Variants in KIAA1328 observed in about 807,000 individuals in gnomAD.
KIAA1328 encodes the protein KIAA1328.
In KIAA1328, 52 loss-of-function variants were observed where a neutral mutation model predicts 68.1. That is an observed-to-expected ratio of 0.76 (90% CI 0.61 to 0.96). The LOEUF (loss-of-function observed/expected upper bound fraction) is 0.96, where lower values mean the gene tolerates loss of function less well. Ranked by LOEUF, KIAA1328 falls within the 40% of genes least tolerant of loss-of-function variation. KIAA1328 has a pLI of 0.00. For missense variants in KIAA1328, 641 were observed against 677.6 expected, an observed-to-expected ratio of 0.95 and a Z score of 0.60; for synonymous variants, 232 against 239.4, an observed-to-expected ratio of 0.97 and a Z score of 0.28.
At chr18:36,929,842 A>G (rs2050249844) in intron 5 of KIAA1328, among the ~76,000 whole-genome samples, 1 of 152,112 alleles carries the variant, frequency 6.6e-6, no homozygotes, top group Admixed American at 6.5e-5. Flanking sequence ...AACTGTGAGA[A>G]ATAAATGTCT....
chr18:37,119,044 C>G (rs1017083859), intron 7 of KIAA1328, among the ~76,000 whole-genome samples: 1 of 152,124 alleles, frequency 6.6e-6, no homozygotes, highest in Non-Finnish European at 1.5e-5. Context: ...GAGTCAATTA[C>G]CATATTTCAT....
At chr18:37,020,781 T>G (rs2054317768) in intron 6 of KIAA1328, among the ~76,000 whole-genome samples, 1 of 152,206 alleles carries the variant, frequency 6.6e-6, no homozygotes, top group Non-Finnish European at 1.5e-5. Context: ...TCGAAATAGT[T>G]TGTGTATGTC....
chr18:36,997,539 G>C (rs947048146), intron 6 of KIAA1328, among the ~76,000 whole-genome samples: 10 of 152,122 alleles, frequency 6.6e-5, no homozygotes, highest in African/African-American at 2.4e-4. Flanking sequence ...CATGGGTTGG[G>C]ACTGCTTTAG....
Position 37,110,092 on chromosome 18 carries a change from G to A in KIAA1328, c.1232+42547G>A, listed in dbSNP as rs369400017. Among the ~76,000 whole-genome samples the A allele has an allele frequency of 1.5e-4, 23 of 150,820 alleles. No homozygotes were observed. In the East Asian group the frequency reaches 3.9e-3, roughly 25 times the overall value. ...TCACTTATTTTTCAACATTTTTTTC[G>A]AGGCTCCAATAAATGGAGATTAGTC... On this transcript the variant is annotated intron_variant, in intron 7 of 9. Transcript: ENST00000280020.
intron 7 of KIAA1328, among the ~76,000 whole-genome samples, chr18:37,130,404 G>A (rs9957942): frequency 3.7e-4 from 57 of 152,268 alleles, no homozygotes; most frequent in Admixed American, 9.1e-4. Context: ...CAGATCACGC[G>A]ATCAAGAGAT....
chr18:37,153,354 A>G (rs557940262), intron 7 of KIAA1328, among the ~76,000 whole-genome samples: 1 of 152,304 alleles, frequency 6.6e-6, no homozygotes, highest in African/African-American at 2.4e-5. Context: ...GTATTACCCC[A>G]GATGAATGAT....
At chr18:37,014,303 T>C (rs1485651635) in intron 6 of KIAA1328, among the ~76,000 whole-genome samples, 1 of 152,226 alleles carries the variant, frequency 6.6e-6, no homozygotes, top group Non-Finnish European at 1.5e-5. Context: ...TGCTTTCTTT[T>C]GATAATTATT....
At chr18:36,938,003 G>T (rs1293994289) in intron 5 of KIAA1328, among the ~76,000 whole-genome samples, 1 of 151,714 alleles carries the variant, frequency 6.6e-6, no homozygotes, top group Non-Finnish European at 1.5e-5. Flanking sequence ...CATTTTCTTT[G>T]GTCACTTAGG....
At chr18:37,058,776 G>A (rs2056029371) in intron 6 of KIAA1328, among the ~76,000 whole-genome samples, 1 of 152,188 alleles carries the variant, frequency 6.6e-6, no homozygotes, top group East Asian at 1.9e-4. Flanking sequence ...TAGTATGGAT[G>A]TTGAAGCACA....
At chr18:37,126,524 C>T (rs186026562) in intron 7 of KIAA1328, among the ~76,000 whole-genome samples, 3 of 152,120 alleles carry the variant, frequency 2.0e-5, no homozygotes, top group South Asian at 2.1e-4. Context: ...GCGTTACTGT[C>T]GAATTCCACC....
intron 6 of KIAA1328, among the ~76,000 whole-genome samples, chr18:37,049,309 C>T (rs1388293679): frequency 6.6e-6 from 1 of 152,110 alleles, no homozygotes; most frequent in Non-Finnish European, 1.5e-5. Context: ...CATAGGAAAA[C>T]CACAATGGAG....
intron 5 of KIAA1328, among the ~76,000 whole-genome samples, chr18:36,944,545 T>C (rs1415781228): frequency 2.6e-5 from 4 of 151,936 alleles, no homozygotes; most frequent in Non-Finnish European, 4.4e-5. Context: ...CGCCACTGCA[T>C]TCCAGCCTAG....
chr18:36,954,193 G>A (rs1292450719), intron 5 of KIAA1328, among the ~76,000 whole-genome samples: 1 of 151,658 alleles, frequency 6.6e-6, no homozygotes, highest in Admixed American at 6.6e-5. Flanking sequence ...TAGTAGAGAC[G>A]GGGTTTCACC....
chr18:37,144,704 T>A, intron 7 of KIAA1328, among the ~76,000 whole-genome samples: 1 of 151,858 alleles, frequency 6.6e-6, no homozygotes, highest in South Asian at 2.1e-4. Context: ...AATTTTTGTA[T>A]TTTTTTGTAG....
chr18:37,134,290 C>T (rs1274374718), intron 7 of KIAA1328, among the ~76,000 whole-genome samples: 6 of 152,128 alleles, frequency 3.9e-5, no homozygotes, highest in Non-Finnish European at 7.3e-5. Context: ...GGATTACAGG[C>T]GTGAGCCACT....
At chr18:37,106,681 G>C (rs1219956734) in intron 7 of KIAA1328, among the ~76,000 whole-genome samples, 1 of 151,998 alleles carries the variant, frequency 6.6e-6, no homozygotes, top group Admixed American at 6.6e-5. Context: ...CAAAGTTCTG[G>C]GATTACAGGC....
intron 7 of KIAA1328, among the ~76,000 whole-genome samples, chr18:37,090,375 C>A (rs565272375): frequency 6.6e-6 from 1 of 152,146 alleles, no homozygotes; most frequent in South Asian, 2.1e-4. Context: ...GGATCATTCT[C>A]GTAACCATTC....
chr18:36,959,717 C>T (rs902171239), intron 6 of KIAA1328, among the ~76,000 whole-genome samples: 1 of 152,122 alleles, frequency 6.6e-6, no homozygotes, highest in Non-Finnish European at 1.5e-5. Context: ...AAACACTGCT[C>T]TGTTACTTAA....
At chr18:36,877,051 T>C (rs957896825) in intron 4 of KIAA1328, among the ~76,000 whole-genome samples, 2 of 152,240 alleles carry the variant, frequency 1.3e-5, no homozygotes, top group Admixed American at 1.3e-4. Flanking sequence ...CTGTTTATTA[T>C]GATTTCCAAT....
Sources: allele counts gnomAD v4.1 joint callset (sites outside exome capture counted in the v4.1 genomes callset), GRCh38; gene constraint gnomAD v4.1.1; transcripts MANE v1.5; gene names NCBI Gene and HGNC (gene_info 2026-07-23, HGNC 2026-07-21).